The following ENPP2 variants were observed in gnomAD, a reference collection of about 807,000 sequenced individuals.
ENPP2 encodes ectonucleotide pyrophosphatase/phosphodiesterase 2, also known as autotaxin.
In ENPP2, 51 loss-of-function variants were observed where a neutral mutation model predicts 120.2. The ratio of observed to expected loss-of-function variants is 0.42; its 90% CI spans 0.34 to 0.54. ENPP2 has a LOEUF of 0.54. Ranked by LOEUF, ENPP2 falls within the 20% of genes least tolerant of loss-of-function variation. The pLI is 0.04. For synonymous variants in ENPP2, 365 were observed against 366.4 expected (o/e 1.00, Z 0.04); for missense variants, 920 against 1,066.5 (o/e 0.86, Z 1.91).
intron 1 of ENPP2, among the ~76,000 whole-genome samples, chr8:119,672,194 G>A (rs16892938): frequency 6.6e-6 from 1 of 152,034 alleles, no homozygotes; most frequent in Non-Finnish European, 1.5e-5. Flanking sequence ...GTGGGAAGAG[G>A]AGCAGAAAAC....
intron 2 of ENPP2, among the ~76,000 whole-genome samples, chr8:119,636,500 T>C (rs533643998): frequency 1.9e-3 from 290 of 152,364 alleles, no homozygotes; most frequent in Non-Finnish European, 3.5e-3. Flanking sequence ...TTAGATGATA[T>C]CATAAAGGCC....
intron 1 of ENPP2, among the ~76,000 whole-genome samples, chr8:119,668,954 T>G (rs1818161095): frequency 6.6e-6 from 1 of 152,206 alleles, no homozygotes; most frequent in African/African-American, 2.4e-5. Flanking sequence ...TAATTTGCAA[T>G]TTAATTTTGG....
chr8:119,643,215 A>C (rs1208682496), upstream of ENPP2, among the ~76,000 whole-genome samples: 2 of 152,202 alleles, frequency 1.3e-5, no homozygotes, highest in African/African-American at 4.8e-5. Context: ...AATTCAGATA[A>C]AAACTGGACA....
At chr8:119,620,435 A>C (rs1815807839) in intron 4 of ENPP2, among the ~76,000 whole-genome samples, 1 of 152,190 alleles carries the variant, frequency 6.6e-6, no homozygotes, top group African/African-American at 2.4e-5. Context: ...GAAATTCTTC[A>C]AATATATTAA....
intron 11 of ENPP2, chr8:119,595,766 G>T (rs192606268): frequency 1.4e-6 from 2 of 1,416,876 alleles, no homozygotes; most frequent in East Asian, 2.3e-5. Flanking sequence ...TTGCTCAGCC[G>T]ATTTTCCAAC....
intron 11 of ENPP2, among the ~76,000 whole-genome samples, chr8:119,594,118 G>A (rs912130033): frequency 6.6e-6 from 1 of 152,136 alleles, no homozygotes; most frequent in African/African-American, 2.4e-5. Context: ...CAAAAATATT[G>A]TTAATGAAAA....
chr8:119,582,812 C>A (rs1812841215), intron 17 of ENPP2, among the ~76,000 whole-genome samples: 1 of 152,122 alleles, frequency 6.6e-6, no homozygotes, highest in African/African-American at 2.4e-5. Context: ...CTGAAATACC[C>A]AAGTTCATTG....
At chr8:119,566,810 T>C (rs534770814) in intron 22 of ENPP2, among the ~76,000 whole-genome samples, 2 of 152,340 alleles carry the variant, frequency 1.3e-5, no homozygotes, top group African/African-American at 2.4e-5. Flanking sequence ...CTATGTAATA[T>C]TGTGATAAAT....
rs1201416787 is a variant in ENPP2, at chr8:119,570,998, A to T, written c.1781-157T>A. On this transcript the variant is annotated intron_variant, in intron 19 of 24. Coordinates refer to ENST00000075322, the MANE Select transcript of ENPP2 (RefSeq NM_001040092.3). ...ATTTAATCAAGCTAGTTTTCCTAAC[A>T]CTTTTGTGGTTGATCTGATCACCTA... is the stretch of plus-strand genomic sequence containing the variant. 6.7e-6 allele frequency: 3 copies of T among 448,664 alleles called. No homozygotes were observed. In the East Asian group the frequency reaches 1.1e-4, roughly 16 times the overall value. 27.8% of individuals were successfully genotyped at this position (448,664 alleles called of 1,614,324 possible).
intron 1 of ENPP2, among the ~76,000 whole-genome samples, chr8:119,669,098 C>A (rs1208408190): frequency 6.6e-6 from 1 of 152,136 alleles, no homozygotes; most frequent in African/African-American, 2.4e-5. Flanking sequence ...CAAATGGGAG[C>A]CTTATATTAT....
chr8:119,630,420 T>C (rs1385498501), intron 2 of ENPP2, among the ~76,000 whole-genome samples: 1 of 152,238 alleles, frequency 6.6e-6, no homozygotes, highest in Non-Finnish European at 1.5e-5. Flanking sequence ...TTTCTTTCTT[T>C]ACTTTCAGAG....
intron 19 of ENPP2, among the ~76,000 whole-genome samples, chr8:119,578,050 T>G (rs1812469950): frequency 6.6e-6 from 1 of 152,164 alleles, no homozygotes. Context: ...TTTTTGTTGT[T>G]GTTGTTGTTT....
chr8:119,621,358 C>G, intron 4 of ENPP2, 36 bp downstream of exon 4: 1 of 1,606,896 alleles, frequency 6.2e-7, no homozygotes, highest in Non-Finnish European at 8.5e-7. Flanking sequence ...AGTTTTTATT[C>G]TTTTAAAGCT....
chr8:119,580,063 G>A (rs759543611), intron 19 of ENPP2, 53 bp downstream of exon 19: 28 of 1,298,334 alleles, frequency 2.2e-5, no homozygotes, highest in African/African-American at 8.8e-5. Context: ...AAGCCTTTTC[G>A]ATTTTCGAAA....
At chr8:119,616,093 A>G (rs1157705930) in intron 8 of ENPP2, among the ~76,000 whole-genome samples, 172 bp downstream of exon 8, 2 of 152,038 alleles carry the variant, frequency 1.3e-5, no homozygotes, top group African/African-American at 4.8e-5. Flanking sequence ...TATATAATGC[A>G]TATATACACA....
intron 2 of ENPP2, among the ~76,000 whole-genome samples, chr8:119,631,612 A>C (rs766197601): frequency 1.3e-5 from 2 of 151,970 alleles, no homozygotes; most frequent in South Asian, 2.1e-4. Flanking sequence ...ATGAGTGTAC[A>C]AAAAAAATAA....
At chr8:119,642,773 G>A (rs2130854874), upstream of ENPP2, among the ~76,000 whole-genome samples, 1 of 152,252 alleles carries the variant, frequency 6.6e-6, no homozygotes, top group East Asian at 1.9e-4. Context: ...TTGTAATACA[G>A]TAGTTGCATT....
chr8:119,645,095 A>T (rs1817403477), intron 1 of ENPP2, among the ~76,000 whole-genome samples: 2 of 152,184 alleles, frequency 1.3e-5, no homozygotes, highest in South Asian at 4.1e-4. Context: ...GGCAGGCTAC[A>T]AACTCCACTT....
intron 19 of ENPP2, among the ~76,000 whole-genome samples, chr8:119,574,898 C>A (rs756273967): frequency 2.0e-5 from 3 of 152,098 alleles, no homozygotes; most frequent in Non-Finnish European, 4.4e-5. Context: ...CTCTTTAGTG[C>A]CCTGTTCTTT....
Sources: allele counts gnomAD v4.1 joint callset (sites outside exome capture counted in the v4.1 genomes callset), GRCh38; gene constraint gnomAD v4.1.1; transcripts MANE v1.5; gene names NCBI Gene and HGNC (gene_info 2026-07-23, HGNC 2026-07-21).